Variants in DNAH6 observed in about 807,000 individuals in gnomAD.
The protein encoded by DNAH6 is axonemal beta dynein heavy chain 6.
Under a neutral mutation model 491.4 loss-of-function variants are expected in DNAH6, and 340 were observed. The observed-to-expected ratio is 0.69, with a 90% CI of 0.63 to 0.76. The LOEUF (loss-of-function observed/expected upper bound fraction) is 0.76. DNAH6 is among the 30% of genes least tolerant of loss of function. DNAH6 has a pLI of 0.00. For missense variants in DNAH6, 4,443 were observed against 4,972.2 expected (o/e 0.89, Z 3.20); for synonymous variants, 1,603 against 1,686.1 (o/e 0.95, Z 1.21).
intron 49 of DNAH6, among the ~76,000 whole-genome samples, chr2:84,702,281 C>T (rs1487751862): frequency 6.6e-6 from 1 of 152,102 alleles, no homozygotes; most frequent in Non-Finnish European, 1.5e-5. Flanking sequence ...CTTGGATTGT[C>T]GTGGAATTTA....
intron 29 of DNAH6, among the ~76,000 whole-genome samples, chr2:84,633,852 A>G (rs1573300986): frequency 6.6e-6 from 1 of 152,002 alleles, no homozygotes; most frequent in East Asian, 1.9e-4. Context: ...GGAAGGGGGG[A>G]AGTAGTATGT....
At chr2:84,790,275 C>T (rs1353266959) in intron 68 of DNAH6, among the ~76,000 whole-genome samples, 1 of 152,142 alleles carries the variant, frequency 6.6e-6, no homozygotes, top group Non-Finnish European at 1.5e-5. Context: ...GGGTGACAGA[C>T]CTACAATTAA....
chr2:84,536,928 A>G lies in DNAH6; in HGVS notation c.663-7305A>G, dbSNP rs80139309. 3.7e-3 allele frequency among the ~76,000 whole-genome samples: 560 copies of G among 152,180 alleles called. 3 individuals are homozygous for G. The highest frequency in any genetic ancestry group is 0.012 in the African/African-American group (516 of 41,548). ...ATAATTATGTCCCAAATTAAAAATT[A>G]TATAATCTCACATATTATGTGCATT... On this transcript the variant is annotated intron_variant, in intron 4 of 76. Coordinates refer to ENST00000389394, the MANE Select transcript of DNAH6 (RefSeq NM_001370.2).
At chr2:84,777,780 A>C in intron 64 of DNAH6, 1 of 973,474 alleles carries the variant, frequency 1.0e-6, no homozygotes, top group Non-Finnish European at 1.7e-6. Flanking sequence ...CCAATAATAC[A>C]GTTTTTGGGG....
intron 59 of DNAH6, among the ~76,000 whole-genome samples, chr2:84,722,234 G>A (rs1416357712): frequency 6.6e-6 from 1 of 152,072 alleles, no homozygotes; most frequent in African/African-American, 2.4e-5. Flanking sequence ...CATCTTCCTG[G>A]GTATCCCTTC....
At chr2:84,638,546 A>G (rs988978469) in intron 31 of DNAH6, among the ~76,000 whole-genome samples, 6 of 152,200 alleles carry the variant, frequency 3.9e-5, no homozygotes, top group South Asian at 2.1e-4. Flanking sequence ...GAAAGCACAG[A>G]TCACTCCTTT....
intron 39 of DNAH6, among the ~76,000 whole-genome samples, chr2:84,670,911 G>A (rs1170041021): frequency 6.6e-6 from 1 of 152,108 alleles, no homozygotes; most frequent in Non-Finnish European, 1.5e-5. Flanking sequence ...CTTATTAACT[G>A]CTTAGATAAC....
At chr2:84,626,181 A>G (rs1474243101) in intron 29 of DNAH6, among the ~76,000 whole-genome samples, 1 of 152,010 alleles carries the variant, frequency 6.6e-6, no homozygotes, top group African/African-American at 2.4e-5. Flanking sequence ...TGCTATTTAA[A>G]CTGTAAAAAC....
chr2:84,609,951 C>T (rs1686167995), intron 21 of DNAH6, among the ~76,000 whole-genome samples: 1 of 151,990 alleles, frequency 6.6e-6, no homozygotes, highest in African/African-American at 2.4e-5. Flanking sequence ...AACAATATAC[C>T]TTTATTATCT....
intron 64 of DNAH6, among the ~76,000 whole-genome samples, chr2:84,763,450 TC>T (rs1674780904): frequency 1.3e-5 from 2 of 152,144 alleles, no homozygotes; most frequent in South Asian, 2.1e-4. Flanking sequence ...TAATGAAAGT[TC>T]AGTCTTCCTG....
At position 84,757,253 on chromosome 2, in the gene DNAH6, G is replaced by C. The variant is rs182328162; in HGVS notation, c.10513-5502G>C. ...AAGCCCTTGAGGACCAAGCAGGTCA[G>C]TGTCACTATCTAGGAACCTACAGCA... On this transcript the variant is annotated intron_variant, in intron 63 of 76. Transcript: ENST00000389394. Among the ~76,000 whole-genome samples the C allele has an allele frequency of 2.8e-3, 420 of 152,326 alleles. 3 individuals carry two copies. Among genetic ancestry groups the C allele is most frequent in the African/African-American group, 9.9e-3 (411 of 41,570 alleles).
At position 84,715,637 on chromosome 2, in the gene DNAH6, CAGGG is replaced by C; in HGVS notation, c.9611+13_9611+16del. 6.4e-7 allele frequency: 1 copy of C among 1,550,492 alleles called. No individual in the cohort carries two copies. The highest frequency in any genetic ancestry group is 8.7e-7 in the Non-Finnish European group (1 of 1,146,342). Reference sequence around the variant, plus strand: ...AGGATCAGTTGTTAAGGTAAAAAAACAGGGAGTTGAGGGGAGGGAAGGGGGTATT... The same window carrying C: ...AGGATCAGTTGTTAAGGTAAAAAAACAGTTGAGGGGAGGGAAGGGGGTATT... On this transcript the variant is annotated intron_variant, in intron 58 of 76. Coordinates refer to ENST00000389394, the MANE Select transcript of DNAH6 (RefSeq NM_001370.2).
chr2:84,482,858 G>A, the DNAH6 span, among the ~76,000 whole-genome samples: 18 of 152,218 alleles, frequency 1.2e-4, no homozygotes, highest in Non-Finnish European at 2.6e-4. Context: ...CTGCCAGCAG[G>A]ATTCAAGCCC....
intron 37 of DNAH6, among the ~76,000 whole-genome samples, chr2:84,659,626 T>G (rs1194851865): frequency 1.3e-5 from 2 of 152,148 alleles, no homozygotes; most frequent in Non-Finnish European, 2.9e-5. Flanking sequence ...GCACTCTGTT[T>G]TATTGGATTG....
chr2:84,643,438 A>T (rs1689608037), intron 33 of DNAH6, among the ~76,000 whole-genome samples: 1 of 152,064 alleles, frequency 6.6e-6, no homozygotes, highest in African/African-American at 2.4e-5. Flanking sequence ...AAATTCTGCC[A>T]TTATTCTTTC....
the DNAH6 span, among the ~76,000 whole-genome samples, chr2:84,462,332 A>C: frequency 6.6e-6 from 1 of 152,150 alleles, no homozygotes; most frequent in African/African-American, 2.4e-5. Context: ...ACTTCTAACC[A>C]GGAAGTCCCT....
chr2:84,700,692 G>A (rs1158581740), intron 48 of DNAH6, among the ~76,000 whole-genome samples: 1 of 152,224 alleles, frequency 6.6e-6, no homozygotes, highest in Non-Finnish European at 1.5e-5. Context: ...CAAGAGAGGA[G>A]CAAAGGAGTT....
intron 63 of DNAH6, among the ~76,000 whole-genome samples, chr2:84,753,230 T>G (rs1007287254): frequency 2.0e-5 from 3 of 152,208 alleles, no homozygotes; most frequent in Non-Finnish European, 4.4e-5. Flanking sequence ...TTATTTGTCT[T>G]TTTATCATGC....
chr2:84,619,599 G>C, intron 23 of DNAH6, 86 bp from the exon 24 acceptor site: 7 of 1,231,832 alleles, frequency 5.7e-6, no homozygotes, highest in Non-Finnish European at 8.0e-6. Context: ...ACAGGGAAGA[G>C]ATGTGGCTAA....
Sources: allele counts gnomAD v4.1 joint callset (sites outside exome capture counted in the v4.1 genomes callset), GRCh38; gene constraint gnomAD v4.1.1; transcripts MANE v1.5; gene names NCBI Gene and HGNC (gene_info 2026-07-23, HGNC 2026-07-21).